The following RGPD3 variants were observed in gnomAD, a reference collection of about 807,000 sequenced individuals.
RGPD3 encodes RANBP2 like and GRIP domain containing 3.
Under a neutral mutation model 154.5 loss-of-function variants are expected in RGPD3, and 62 were observed. The ratio of observed to expected loss-of-function variants is 0.40; its 90% confidence interval spans 0.33 to 0.50. The LOEUF is 0.50. Ranked by LOEUF, RGPD3 falls within the 20% of genes least tolerant of loss-of-function variation. The pLI is 0.59. For synonymous variants in RGPD3, 308 were observed against 607.0 expected, an observed-to-expected ratio of 0.51 and a Z score of 7.24; for missense variants, 919 against 1,716.8, an observed-to-expected ratio of 0.54 and a Z score of 8.21.
At chr2:106,415,585 G>A (rs1676800510) in intron 21 of RGPD3, among the ~76,000 whole-genome samples, 1 of 145,024 alleles carries the variant, frequency 6.9e-6, no homozygotes, top group Non-Finnish European at 1.5e-5. Context: ...GCTGAGGCAG[G>A]AGAATGGCGT....
upstream of RGPD3, among the ~76,000 whole-genome samples, chr2:106,469,312 A>G (rs1290319699): frequency 6.7e-6 from 1 of 149,498 alleles, no homozygotes; most frequent in East Asian, 1.9e-4. Context: ...ACACCTATCA[A>G]AAAGGCACTA....
chr2:106,464,065 G>A, intron 1 of RGPD3, among the ~76,000 whole-genome samples: 1 of 152,246 alleles, frequency 6.6e-6, no homozygotes, highest in Non-Finnish European at 1.5e-5. Flanking sequence ...CTAAAATGGG[G>A]CCCGGCGCGG....
intron 20 of RGPD3, among the ~76,000 whole-genome samples, chr2:106,418,372 T>C (rs1676876729): frequency 6.6e-6 from 1 of 151,072 alleles, no homozygotes; most frequent in Non-Finnish European, 1.5e-5. Flanking sequence ...GATTGCTGCA[T>C]ACTTCTTGAA....
chr2:106,439,791 G>C (rs1365385894), intron 8 of RGPD3, among the ~76,000 whole-genome samples: 1 of 90,972 alleles, frequency 1.1e-5, no homozygotes, highest in African/African-American at 3.9e-5. Context: ...GTGTGAACCC[G>C]GGAGGCGGAG....
At chr2:106,438,406 T>A (rs997295121) in intron 9 of RGPD3, among the ~76,000 whole-genome samples, 2 of 150,610 alleles carry the variant, frequency 1.3e-5, no homozygotes, top group African/African-American at 4.9e-5. Flanking sequence ...GAGAATCCCT[T>A]GAGCCCAGAA....
intron 6 of RGPD3, among the ~76,000 whole-genome samples, chr2:106,451,896 T>C (rs563025494): frequency 6.6e-6 from 1 of 151,184 alleles, no homozygotes; most frequent in East Asian, 2.0e-4. Flanking sequence ...AAAAATAAAA[T>C]ATGAAATAGC....
At chr2:106,425,647 TGA>T (rs1406183691) in intron 19 of RGPD3, among the ~76,000 whole-genome samples, 2 of 73,396 alleles carry the variant, frequency 2.7e-5, no homozygotes, top group African/African-American at 1.1e-4. Flanking sequence ...ACTGTAATAT[TGA>T]GTCTTCAATC....
rs1676732197 is a variant in RGPD3, at chr2:106,413,435, G to A, written c.5065-150C>T. 2.4e-5 allele frequency: 25 copies of A among 1,044,594 alleles called. No homozygotes were observed. The South Asian group carries it at 3.8e-4, about 16-fold the overall frequency. The allele number at this position is 1,044,594 out of a possible 1,614,324, so 64.7% of individuals were successfully genotyped here. On this transcript the variant is annotated intron_variant, in intron 21 of 22. Transcript: ENST00000409886. The stretch of plus-strand genomic sequence containing the variant: ...GGAAGGAATTCAGTTAACTACAGCA[G>A]CTGCATGTGAAGCATTTCAAAGGAG...
intron 22 of RGPD3, among the ~76,000 whole-genome samples, chr2:106,408,335 C>G (rs1676572266): frequency 1.2e-5 from 1 of 81,316 alleles, no homozygotes; most frequent in Non-Finnish European, 2.4e-5. Context: ...ACACGCTACT[C>G]TGAGCAGCTC....
intron 3 of RGPD3, among the ~76,000 whole-genome samples, 163 bp from the exon 4 acceptor site, chr2:106,457,286 A>T (rs1234181001): frequency 1.3e-5 from 2 of 152,262 alleles, no homozygotes; most frequent in African/African-American, 2.4e-5. Context: ...TGTTCAAATA[A>T]AAGTGTCTTG....
chr2:106,455,155 A>G (rs1325954868), intron 4 of RGPD3, among the ~76,000 whole-genome samples: 1 of 152,098 alleles, frequency 6.6e-6, no homozygotes, highest in Non-Finnish European at 1.5e-5. Context: ...GCGACAGAGC[A>G]AGACTCTGTC....
At chr2:106,405,503 G>A (rs1676488111) in intron 22 of RGPD3, among the ~76,000 whole-genome samples, 1 of 150,810 alleles carries the variant, frequency 6.6e-6, no homozygotes, top group East Asian at 2.0e-4. Flanking sequence ...AGCCTCCCAA[G>A]CAACTGGGAC....
intron 7 of RGPD3, among the ~76,000 whole-genome samples, chr2:106,446,216 T>C (rs1677920094): frequency 1.4e-5 from 2 of 138,148 alleles, no homozygotes; most frequent in African/African-American, 5.3e-5. Context: ...TAATGCTTTT[T>C]TGGAAGACTG....
intron 1 of RGPD3, 70 bp from the exon 2 acceptor site, chr2:106,459,402 A>G (rs1194404401): frequency 4.1e-5 from 28 of 689,134 alleles, no homozygotes; most frequent in Non-Finnish European, 5.0e-5. Context: ...AAAAGTAGTA[A>G]AAATCTGCCC....
At chr2:106,417,281 CCATCCATCT>C (rs1219530776) in intron 20 of RGPD3, among the ~76,000 whole-genome samples, 2 of 110,658 alleles carry the variant, frequency 1.8e-5, no homozygotes, top group South Asian at 7.4e-4. Context: ...AAGCATCCAT[CCATCCATCT>C]CATCCATCCA....
At chr2:106,407,688 C>T (rs1266730641) in intron 22 of RGPD3, among the ~76,000 whole-genome samples, 4 of 152,394 alleles carry the variant, frequency 2.6e-5, no homozygotes, top group East Asian at 3.9e-4. Flanking sequence ...AACAATGTTC[C>T]TGGCAACTAT....
At chr2:106,413,876 T>C (rs1676744088) in intron 21 of RGPD3, among the ~76,000 whole-genome samples, 2 of 152,146 alleles carry the variant, frequency 1.3e-5, no homozygotes, top group African/African-American at 2.4e-5. Context: ...AGCAACTAAC[T>C]GGAGCCATGG....
At chr2:106,405,453 G>A (rs1322705555) in intron 22 of RGPD3, among the ~76,000 whole-genome samples, 1 of 147,256 alleles carries the variant, frequency 6.8e-6, no homozygotes, top group African/African-American at 2.5e-5. Flanking sequence ...AGACTTCAGT[G>A]CAGCCTTGAT....
At chr2:106,464,068 C>T (rs1320000764) in intron 1 of RGPD3, among the ~76,000 whole-genome samples, 22 of 151,732 alleles carry the variant, frequency 1.4e-4, no homozygotes, top group African/African-American at 2.2e-4. Context: ...AAATGGGGCC[C>T]GGCGCGGTGG....
Sources: gnomAD v4.1 joint callset for allele counts (sites outside exome capture counted in the v4.1 genomes callset) on GRCh38, gnomAD v4.1.1 for gene constraint, MANE v1.5 for transcripts, NCBI Gene and HGNC (gene_info 2026-07-23, HGNC 2026-07-21) for gene names.